The following GPC6 variants were observed in gnomAD, a reference collection of about 807,000 sequenced individuals.
GPC6 encodes glypican-6.
In GPC6, 14 loss-of-function variants were observed where a neutral mutation model predicts 55.2. That is an observed-to-expected ratio of 0.25 (90% CI 0.17 to 0.40). The LOEUF is 0.40. Among genes scored for constraint, GPC6 ranks in the 10% least tolerant of loss-of-function variants. The pLI, the probability that GPC6 is intolerant of heterozygous loss-of-function variation, is 1.00. For missense variants in GPC6, 641 were observed against 708.5 expected (o/e 0.90, Z 1.08); for synonymous variants, 278 against 259.6 (o/e 1.07, Z -0.68).
chr13:93,743,681 CTTTA>C (rs1303524654), intron 2 of GPC6, among the ~76,000 whole-genome samples: 2 of 152,058 alleles, frequency 1.3e-5, no homozygotes, highest in East Asian at 1.9e-4. Flanking sequence ...TTCCTTTCAT[CTTTA>C]TTATTTCCTT....
intron 4 of GPC6, among the ~76,000 whole-genome samples, chr13:94,105,075 C>A (rs1241302019): frequency 6.6e-6 from 1 of 152,096 alleles, no homozygotes; most frequent in African/African-American, 2.4e-5. Flanking sequence ...TTTTTAATTT[C>A]TTAAGGGTAG....
intron 2 of GPC6, among the ~76,000 whole-genome samples, chr13:93,606,482 T>A (rs1240545632): frequency 6.6e-6 from 1 of 152,216 alleles, no homozygotes; most frequent in African/African-American, 2.4e-5. Flanking sequence ...GACAAAGGTA[T>A]TCTTGTTTGG....
At chr13:93,821,795 G>T (rs192129272) in intron 2 of GPC6, among the ~76,000 whole-genome samples, 2 of 152,226 alleles carry the variant, frequency 1.3e-5, no homozygotes, top group African/African-American at 4.8e-5. Flanking sequence ...CCCCCTGTCT[G>T]TGAGTCTCCT....
chr13:93,721,934 G>A (rs1883469178), intron 2 of GPC6, among the ~76,000 whole-genome samples: 1 of 151,732 alleles, frequency 6.6e-6, no homozygotes, highest in African/African-American at 2.4e-5. Flanking sequence ...ATTAGAATAT[G>A]CATTTGCTTT....
intron 2 of GPC6, among the ~76,000 whole-genome samples, chr13:93,776,587 A>T (rs1026589861): frequency 1.3e-5 from 2 of 152,108 alleles, no homozygotes; most frequent in East Asian, 1.9e-4. Context: ...TTTTCAAGGT[A>T]TGTTCAGAAA....
intron 1 of GPC6, among the ~76,000 whole-genome samples, chr13:93,453,386 G>A (rs1878300799): frequency 6.6e-6 from 1 of 151,968 alleles, no homozygotes; most frequent in Admixed American, 6.5e-5. Context: ...TCAAGAGTCA[G>A]GCATTAGACT....
intron 6 of GPC6, among the ~76,000 whole-genome samples, chr13:94,360,653 A>G (rs1879018189): frequency 6.6e-6 from 1 of 152,234 alleles, no homozygotes; most frequent in Non-Finnish European, 1.5e-5. Flanking sequence ...GGTCTAGAAC[A>G]TTAGCATGGA....
At chr13:93,421,891 C>T (rs992203480) in intron 1 of GPC6, among the ~76,000 whole-genome samples, 1 of 152,174 alleles carries the variant, frequency 6.6e-6, no homozygotes, top group Non-Finnish European at 1.5e-5. Flanking sequence ...TTCATATGCA[C>T]AGTGGATGAT....
intron 4 of GPC6, among the ~76,000 whole-genome samples, chr13:94,217,778 A>T (rs2138997349): frequency 6.6e-6 from 1 of 152,334 alleles, no homozygotes; most frequent in South Asian, 2.1e-4. Flanking sequence ...TCAAGGAGAC[A>T]CCAGTTCTGA....
chr13:93,622,835 AAT>A (rs1168408607), intron 2 of GPC6, among the ~76,000 whole-genome samples: 2 of 152,176 alleles, frequency 1.3e-5, no homozygotes, highest in African/African-American at 4.8e-5. Flanking sequence ...CTTACTGTGA[AAT>A]AGAGTACCAG....
chr13:93,920,126 C>T (rs1877494088), intron 3 of GPC6, among the ~76,000 whole-genome samples: 1 of 152,146 alleles, frequency 6.6e-6, no homozygotes, highest in East Asian at 1.9e-4. Context: ...CTCCTTGACC[C>T]TTCCTTAGTT....
At chr13:94,353,936 GA>G (rs79638530) in intron 6 of GPC6, among the ~76,000 whole-genome samples, 4 of 151,040 alleles carry the variant, frequency 2.6e-5, no homozygotes, top group Non-Finnish European at 4.4e-5. Flanking sequence ...TGATACTGAA[GA>G]AAAAAAAATG....
rs186314731 is a variant in GPC6, at chr13:94,355,348, C to T, written c.1153-27066C>T. On this transcript the variant is annotated intron_variant, in intron 6 of 8. Coordinates refer to ENST00000377047, the MANE Select transcript of GPC6 (RefSeq NM_005708.5). Reference sequence around the variant, plus strand: ...GTGGCTCTTCTCTTTCTTCGGCCATCGTCCTCCAGGGTTGCACCATGTTCC... The same window carrying T: ...GTGGCTCTTCTCTTTCTTCGGCCATTGTCCTCCAGGGTTGCACCATGTTCC... 3.1e-3 allele frequency among the ~76,000 whole-genome samples: 472 copies of T among 152,198 alleles called. 4 individuals carry two copies. Among genetic ancestry groups the T allele is most frequent in the African/African-American group, 0.011 (450 of 41,544 alleles).
intron 1 of GPC6, among the ~76,000 whole-genome samples, chr13:93,518,132 C>A (rs572401593): frequency 2.6e-5 from 4 of 151,764 alleles, no homozygotes; most frequent in Admixed American, 6.6e-5. Flanking sequence ...TTTAAAGGAG[C>A]CTCAGAGCAC....
chr13:93,834,360 C>T (rs1887653097), intron 3 of GPC6, among the ~76,000 whole-genome samples: 1 of 152,114 alleles, frequency 6.6e-6, no homozygotes, highest in African/African-American at 2.4e-5. Flanking sequence ...AAAATACATA[C>T]ATTTTTATGA....
At chr13:93,650,192 T>C (rs1880347571) in intron 2 of GPC6, among the ~76,000 whole-genome samples, 1 of 152,198 alleles carries the variant, frequency 6.6e-6, no homozygotes, top group Admixed American at 6.5e-5. Flanking sequence ...CATAAGATCA[T>C]TTTCTAGTCC....
chr13:93,578,182 G>A (rs1287921979), intron 2 of GPC6, among the ~76,000 whole-genome samples: 1 of 151,994 alleles, frequency 6.6e-6, no homozygotes, highest in Non-Finnish European at 1.5e-5. Context: ...TTGTGTCCTT[G>A]TCTGGTTTTG....
intron 2 of GPC6, among the ~76,000 whole-genome samples, chr13:93,748,892 A>G (rs1594423872): frequency 7.3e-6 from 1 of 137,566 alleles, no homozygotes; most frequent in East Asian, 2.0e-4. Flanking sequence ...ATAGAGGAAC[A>G]CAAAGAAATC....
At chr13:93,608,870 A>G (rs1878350895) in intron 2 of GPC6, among the ~76,000 whole-genome samples, 1 of 152,164 alleles carries the variant, frequency 6.6e-6, no homozygotes, top group South Asian at 2.1e-4. Context: ...TGAGATTCAA[A>G]CTACTGCTAT....
Sources: gnomAD v4.1 joint callset for allele counts (sites outside exome capture counted in the v4.1 genomes callset) on GRCh38, gnomAD v4.1.1 for gene constraint, MANE v1.5 for transcripts, NCBI Gene and HGNC (gene_info 2026-07-23, HGNC 2026-07-21) for gene names.